CCDC150: variants seen among roughly 807,000 people sequenced by gnomAD.
CCDC150 encodes the protein coiled-coil domain-containing protein 150.
Under a neutral mutation model 156.5 loss-of-function variants are expected in CCDC150, and 151 were observed. That is an observed-to-expected ratio of 0.97 (90% CI 0.85 to 1.10). The LOEUF (loss-of-function observed/expected upper bound fraction) is 1.10, where lower values mean the gene tolerates loss of function less well. Ranked by LOEUF, CCDC150 falls within the 50% of genes least tolerant of loss-of-function variation. The pLI, the probability that CCDC150 is intolerant of heterozygous loss-of-function variation, is 0.00. For missense variants in CCDC150, 1,312 were observed against 1,268.1 expected (o/e 1.03, Z -0.53); for synonymous variants, 452 against 429.4 (o/e 1.05, Z -0.65).
At chr2:196,667,884 C>T (rs1169729640) in intron 7 of CCDC150, 1 of 152,170 alleles carries the variant, frequency 6.6e-6, no homozygotes, top group East Asian at 1.9e-4. Context: ...GGATAATTTT[C>T]TGTCTTTCTG....
rs986079054 is a variant in CCDC150, at chr2:196,646,567, C to T, written c.176+63C>T. On this transcript the variant is annotated intron_variant, in intron 2 of 27. Transcript: ENST00000389175. ...TTTTGCTTCACTGCTTATTAAGTCACAGTAGTTTGGCAGATGAGATGGATA... is the reference window on the plus strand; with the variant it reads ...TTTTGCTTCACTGCTTATTAAGTCATAGTAGTTTGGCAGATGAGATGGATA... 4.8e-5 allele frequency: 62 copies of T among 1,291,684 alleles called. No homozygotes were observed. In the African/African-American group the frequency reaches 8.6e-4, roughly 18 times the overall value. 80.0% of individuals were successfully genotyped at this position (1,291,684 alleles called of 1,614,324 possible). A position where few individuals can be genotyped will look rare whatever the true frequency, so the allele number is the denominator to read the frequency against.
intron 15 of CCDC150, among the ~76,000 whole-genome samples, chr2:196,709,954 C>G (rs951144464): frequency 6.6e-6 from 1 of 152,200 alleles, no homozygotes; most frequent in African/African-American, 2.4e-5. Flanking sequence ...CCCAGTTAGA[C>G]TACATGGGGG....
intron 15 of CCDC150, among the ~76,000 whole-genome samples, chr2:196,704,353 T>C (rs1170334050): frequency 7.9e-5 from 12 of 152,188 alleles, no homozygotes. Flanking sequence ...AATCGGCTAG[T>C]TCTTAATTGC....
intron 13 of CCDC150, among the ~76,000 whole-genome samples, chr2:196,688,562 A>G: frequency 6.6e-6 from 1 of 152,068 alleles, no homozygotes; most frequent in Non-Finnish European, 1.5e-5. Flanking sequence ...GTGTCTGTTC[A>G]TGTCCTTCGC....
At chr2:196,719,425 G>T in intron 18 of CCDC150, 72 bp from the exon 19 acceptor site, 1 of 1,277,760 alleles carries the variant, frequency 7.8e-7, no homozygotes, top group East Asian at 2.6e-5. Context: ...TTTCCTGGGA[G>T]TAATGAGATC....
chr2:196,676,509 A>G, intron 11 of CCDC150, 45 bp from the exon 12 acceptor site: 1 of 1,503,828 alleles, frequency 6.6e-7, no homozygotes, highest in African/African-American at 1.4e-5. Flanking sequence ...CTGTTAAATT[A>G]GAACTCTAAT....
chr2:196,678,676 G>A (rs1042740860), intron 13 of CCDC150, among the ~76,000 whole-genome samples: 7 of 152,188 alleles, frequency 4.6e-5, no homozygotes, highest in African/African-American at 1.7e-4. Context: ...GCTGAGGCAG[G>A]CAGATCACTT....
intron 26 of CCDC150, among the ~76,000 whole-genome samples, chr2:196,731,492 A>G (rs2125723406): frequency 6.6e-6 from 1 of 150,558 alleles, no homozygotes; most frequent in East Asian, 2.0e-4. Context: ...CCAGGCTCAA[A>G]TGATCCTCCC....
Position 196,729,799 on chromosome 2 carries a change from GA to G in CCDC150, c.2763del (p.Glu922AsnfsTer2). On this transcript the variant is annotated frameshift_variant, in exon 24 of 28. Transcript: ENST00000389175. LOFTEE classifies it high-confidence loss of function. ...ATTTTCCAATTACTTTTAGCAAATA[GA>G]AAAAGAATTGAAGCAAATGGAGCTA... ...AQNIERMKQIEKELKQMELIK... is the reference protein window; with the variant it reads ...AQNIERMKQIXKELKQMELIK... The G allele has an allele frequency of 6.4e-7, 1 of 1,566,520 alleles. No homozygotes were observed. Among genetic ancestry groups the G allele is most frequent in the Non-Finnish European group, 8.7e-7 (1 of 1,146,968 alleles).
intron 13 of CCDC150, among the ~76,000 whole-genome samples, chr2:196,688,547 G>C (rs937738101): frequency 9.2e-5 from 14 of 152,132 alleles, no homozygotes; most frequent in Non-Finnish European, 2.1e-4. Flanking sequence ...GTCTTCCTTT[G>C]AGAAGTGTCT....
chr2:196,711,839 TTAC>T (rs1697136387), intron 15 of CCDC150, among the ~76,000 whole-genome samples: 1 of 152,090 alleles, frequency 6.6e-6, no homozygotes, highest in Admixed American at 6.5e-5. Flanking sequence ...AATTTTTGAA[TTAC>T]ATTAGCCACA....
intron 14 of CCDC150, among the ~76,000 whole-genome samples, chr2:196,697,306 TTG>T (rs1695892912): frequency 2.0e-5 from 3 of 152,102 alleles, no homozygotes; most frequent in Non-Finnish European, 4.4e-5. Context: ...GGGGTTTTTT[TTG>T]TTGTTGTTGT....
At chr2:196,731,284 A>G (rs1575991112) in intron 26 of CCDC150, among the ~76,000 whole-genome samples, 1 of 152,166 alleles carries the variant, frequency 6.6e-6, no homozygotes, top group Non-Finnish European at 1.5e-5. Flanking sequence ...TCTTTGTTCA[A>G]TCAATCAATA....
intron 7 of CCDC150, among the ~76,000 whole-genome samples, chr2:196,668,213 C>T (rs948483961): frequency 4.7e-5 from 7 of 150,266 alleles, no homozygotes; most frequent in African/African-American, 1.7e-4. Flanking sequence ...CAGAGAATCG[C>T]TTGAACCCAG....
intron 2 of CCDC150, among the ~76,000 whole-genome samples, chr2:196,649,551 A>C (rs980051142): frequency 6.6e-6 from 1 of 152,218 alleles, no homozygotes; most frequent in Admixed American, 6.5e-5. Context: ...GGGCTATACC[A>C]TCTATGTTTG....
At chr2:196,702,304 TAAATC>T (rs1005692388) in intron 15 of CCDC150, among the ~76,000 whole-genome samples, 2 of 150,932 alleles carry the variant, frequency 1.3e-5, no homozygotes, top group Non-Finnish European at 2.9e-5. Context: ...CCAGAGCAAT[TAAATC>T]AAAATCTCAG....
intron 7 of CCDC150, among the ~76,000 whole-genome samples, chr2:196,669,517 TTACTTTAACAGC>T (rs1694067313): frequency 6.6e-6 from 1 of 152,222 alleles, no homozygotes; most frequent in East Asian, 1.9e-4. Context: ...CATATGTCAG[TTACTTTAACAGC>T]TACTAAATTC....
intron 2 of CCDC150, among the ~76,000 whole-genome samples, chr2:196,651,182 C>T (rs927318149): frequency 1.3e-5 from 2 of 152,212 alleles, no homozygotes; most frequent in African/African-American, 4.8e-5. Context: ...TTTACTCTCC[C>T]TGCTCCCACT....
intron 13 of CCDC150, among the ~76,000 whole-genome samples, chr2:196,679,286 G>A (rs1298836049): frequency 6.6e-6 from 1 of 152,066 alleles, no homozygotes; most frequent in African/African-American, 2.4e-5. Context: ...TTGTCACCCT[G>A]AGGAAGTTCC....
Sources: gnomAD v4.1 joint callset for allele counts (sites outside exome capture counted in the v4.1 genomes callset) on GRCh38, gnomAD v4.1.1 for gene constraint, MANE v1.5 for transcripts, NCBI Gene and HGNC (gene_info 2026-07-23, HGNC 2026-07-21) for gene names.